The following LGR5 variants were observed in gnomAD, a reference collection of about 807,000 sequenced individuals.
The protein encoded by LGR5 is leucine-rich repeat-containing G protein-coupled receptor 5.
LGR5 carries 54 observed loss-of-function variants against 76.7 expected under a neutral mutation model. That is an observed-to-expected ratio of 0.70 (90% CI 0.57 to 0.88). The LOEUF (loss-of-function observed/expected upper bound fraction) is 0.88, where lower values mean the gene tolerates loss of function less well. Ranked by LOEUF, LGR5 falls within the 40% of genes least tolerant of loss-of-function variation. The pLI is 0.00. For synonymous variants in LGR5, 406 were observed against 421.9 expected (o/e 0.96, Z 0.46); for missense variants, 1,078 against 1,073.3 (o/e 1.00, Z -0.06).
intron 1 of LGR5, among the ~76,000 whole-genome samples, chr12:71,473,458 CCTGT>C (rs1030994834): frequency 6.6e-6 from 1 of 151,804 alleles, no homozygotes; most frequent in Non-Finnish European, 1.5e-5. Flanking sequence ...TTTCCACTGC[CCTGT>C]CTGTTTTATT....
intron 13 of LGR5, among the ~76,000 whole-genome samples, chr12:71,575,400 A>G (rs887611609): frequency 2.6e-5 from 4 of 152,158 alleles, no homozygotes; most frequent in Admixed American, 6.5e-5. Flanking sequence ...ATTACTGGGT[A>G]TATACCCCCC....
chr12:71,503,045 C>T (rs1390379782), intron 1 of LGR5, among the ~76,000 whole-genome samples: 2 of 152,120 alleles, frequency 1.3e-5, no homozygotes, highest in African/African-American at 2.4e-5. Flanking sequence ...CACCTTGATC[C>T]TTTTAGGAAA....
At chr12:71,520,493 T>C (rs555676084) in intron 2 of LGR5, among the ~76,000 whole-genome samples, 8 of 152,228 alleles carry the variant, frequency 5.3e-5, no homozygotes, top group African/African-American at 1.9e-4. Flanking sequence ...TTAGACTACA[T>C]TGTGAATACA....
chr12:71,583,236 A>G (rs1014929537), intron 17 of LGR5, among the ~76,000 whole-genome samples: 2 of 152,216 alleles, frequency 1.3e-5, no homozygotes, highest in African/African-American at 4.8e-5. Flanking sequence ...TGAAATTCAC[A>G]TTCATAATAT....
upstream of LGR5, among the ~76,000 whole-genome samples, chr12:71,439,258 C>T (rs566206454): frequency 1.3e-5 from 2 of 152,268 alleles, no homozygotes; most frequent in East Asian, 3.9e-4. Context: ...GTGCGGCAGA[C>T]GTAAGGATCA....
chr12:71,555,080 C>T (rs1039062554), intron 5 of LGR5, among the ~76,000 whole-genome samples: 1 of 151,986 alleles, frequency 6.6e-6, no homozygotes, highest in Non-Finnish European at 1.5e-5. Context: ...TTTAGGTTCC[C>T]CTCAATCTCC....
At chr12:71,546,446 A>T (rs932088885) in intron 4 of LGR5, among the ~76,000 whole-genome samples, 1 of 152,098 alleles carries the variant, frequency 6.6e-6, no homozygotes. Flanking sequence ...TTTACCTAAT[A>T]CTGGGTGACA....
chr12:71,545,053 C>CTTGA (rs1877084376), intron 4 of LGR5, among the ~76,000 whole-genome samples: 1 of 152,132 alleles, frequency 6.6e-6, no homozygotes, highest in Non-Finnish European at 1.5e-5. Context: ...AGGAGGATTG[C>CTTGA]TTGAGCCCAG....
At chr12:71,571,886 C>G (rs1045290371) in intron 12 of LGR5, among the ~76,000 whole-genome samples, 14 of 152,068 alleles carry the variant, frequency 9.2e-5, no homozygotes, top group African/African-American at 3.4e-4. Flanking sequence ...TTTAGAAGTA[C>G]AACCAAACTT....
chr12:71,574,617 C>A (rs1179393041), intron 13 of LGR5, among the ~76,000 whole-genome samples: 1 of 151,986 alleles, frequency 6.6e-6, no homozygotes, highest in Non-Finnish European at 1.5e-5. Context: ...TAATTATTTC[C>A]CTGTTGTCTT....
chr12:71,547,328 C>T (rs1877232921), intron 4 of LGR5, among the ~76,000 whole-genome samples: 2 of 152,188 alleles, frequency 1.3e-5, no homozygotes, highest in Middle Eastern at 3.4e-3. Flanking sequence ...AGCTGCTGAA[C>T]ATAGATTAAA....
intron 2 of LGR5, among the ~76,000 whole-genome samples, chr12:71,521,906 G>A (rs1056543149): frequency 1.3e-5 from 2 of 152,154 alleles, no homozygotes; most frequent in Non-Finnish European, 1.5e-5. Context: ...AAGACACAAA[G>A]TGCTACCAAA....
chr12:71,546,174 G>T (rs966779020), intron 4 of LGR5, among the ~76,000 whole-genome samples: 2 of 152,018 alleles, frequency 1.3e-5, no homozygotes, highest in South Asian at 2.1e-4. Context: ...AATTAGCTGG[G>T]TGTGGTGGCA....
At chr12:71,453,833 C>T (rs1433330552) in intron 1 of LGR5, among the ~76,000 whole-genome samples, 1 of 151,974 alleles carries the variant, frequency 6.6e-6, no homozygotes, top group South Asian at 2.1e-4. Flanking sequence ...CACCTCAGTA[C>T]TCATCTTTGA....
chr12:71,504,686 G>A lies in LGR5; in HGVS notation c.284+1G>A. The A allele has an allele frequency of 6.2e-7, 1 of 1,609,878 alleles. No homozygotes were observed. Reference sequence around the variant, plus strand: ...CCAGTCTCCGCTTCCTGGAGGAGTTGTAAGTATCACTGTAGTCTTGATGCA... The same window carrying A: ...CCAGTCTCCGCTTCCTGGAGGAGTTATAAGTATCACTGTAGTCTTGATGCA... On this transcript the variant is annotated splice_donor_variant, in intron 2 of 17. Coordinates refer to ENST00000266674, the MANE Select transcript of LGR5 (RefSeq NM_003667.4). LOFTEE classifies it high-confidence loss of function.
chr12:71,442,835 G>C (rs1302082450), intron 1 of LGR5, among the ~76,000 whole-genome samples: 1 of 152,182 alleles, frequency 6.6e-6, no homozygotes, highest in Admixed American at 6.5e-5. Flanking sequence ...AAACATAAAA[G>C]AGGAATTTTG....
rs369343534 is a variant in LGR5, at chr12:71,463,827, A to G, written c.212+23535A>G. ...TTAGCATATATAAATTATAATATAC[A>G]TATATGTATACATATATATGTGTGT... On this transcript the variant is annotated intron_variant, in intron 1 of 17. Coordinates refer to ENST00000266674, the MANE Select transcript of LGR5 (RefSeq NM_003667.4). 5.9e-5 allele frequency among the ~76,000 whole-genome samples: 9 copies of G among 152,098 alleles called. No individual in the cohort carries two copies. In the South Asian group the frequency reaches 6.2e-4, roughly 11 times the overall value.
At chr12:71,563,141 A>G (rs1388509281) in intron 8 of LGR5, among the ~76,000 whole-genome samples, 2 of 151,924 alleles carry the variant, frequency 1.3e-5, no homozygotes, top group Admixed American at 6.6e-5. Flanking sequence ...AACTCTATAT[A>G]TATTAGACCT....
chr12:71,482,591 AG>A (rs1472214605), intron 1 of LGR5, among the ~76,000 whole-genome samples: 1 of 152,176 alleles, frequency 6.6e-6, no homozygotes, highest in Non-Finnish European at 1.5e-5. Flanking sequence ...ACAAATTTTG[AG>A]GGAACACAAT....
Sources: allele counts gnomAD v4.1 joint callset (sites outside exome capture counted in the v4.1 genomes callset), GRCh38; gene constraint gnomAD v4.1.1; transcripts MANE v1.5; gene names NCBI Gene and HGNC (gene_info 2026-07-23, HGNC 2026-07-21).